RNPEPL1: variants seen among roughly 807,000 people sequenced by gnomAD.
The protein encoded by RNPEPL1 is arginyl aminopeptidase like 1.
A neutral mutation model predicts 69.0 loss-of-function variants in RNPEPL1; 46 were observed. That is an observed-to-expected ratio of 0.67 (90% confidence interval 0.53 to 0.85). The LOEUF is 0.85. Ranked by LOEUF, RNPEPL1 falls within the 40% of genes least tolerant of loss-of-function variation. The pLI is 0.00. For synonymous variants in RNPEPL1, 525 were observed against 454.1 expected (o/e 1.16, Z -1.98); for missense variants, 869 against 992.5 (o/e 0.88, Z 1.67).
At position 240,573,775 on chromosome 2, in the gene RNPEPL1, G is replaced by C. The variant is rs1223218206; in HGVS notation, c.822G>C (p.Arg274Ser). ...GDLKPADIGP[R>S]SRVWAEPCLL... ...AGCTCACCCTCTCTGCATGCACCAG[G>C]AGCCGCGTGTGGGCCGAGCCATGCC... The change falls in exon 4 of 11, where the codon AGG (arginine) becomes AGC (serine). Residue 274 changes from arginine to serine, a missense_variant and splice_region_variant. Arg to Ser is a moderately radical substitution (Grantham distance 110). Around this residue, in one of 2 missense-constraint regions of RNPEPL1, gnomAD observed 610 missense variants for 790.9 expected, o/e 0.77. Transcript: ENST00000270357. The C allele has an allele frequency of 6.5e-7, 1 of 1,534,718 alleles. No individual in the cohort carries two copies. The highest frequency in any genetic ancestry group is 2.5e-5 in the East Asian group (1 of 40,714).
chr2:240,578,382 A>C lies in RNPEPL1; in HGVS notation c.*490A>C, dbSNP rs990686737. ...TTGGCAGCCTCAGTTGGCCCCTGGC[A>C]GAGGAACAAGGACACAGACATTCCC... On this transcript the variant is annotated 3_prime_UTR_variant, in exon 11 of 11. Transcript: ENST00000270357. 1 of 153,492 alleles carries C rather than the reference A, an allele frequency of 6.5e-6. No homozygotes were observed. The highest frequency in any genetic ancestry group is 2.4e-5 in the African/African-American group (1 of 41,498). The allele number at this position is 153,492 out of a possible 1,614,324, so 9.5% of individuals were successfully genotyped here.
chr2:240,570,247 G>C (rs1289482479), intron 1 of RNPEPL1, among the ~76,000 whole-genome samples: 1 of 152,256 alleles, frequency 6.6e-6, no homozygotes, highest in Non-Finnish European at 1.5e-5. Context: ...CCCTCAGCAG[G>C]CTGCTGTGAA....
Position 240,575,621 on chromosome 2 carries a change from C to A in RNPEPL1, c.1510+11C>A. On this transcript the variant is annotated intron_variant, in intron 8 of 10. Coordinates refer to ENST00000270357, the MANE Select transcript of RNPEPL1 (RefSeq NM_018226.6). Reference sequence around the variant, plus strand: ...TGGACTGCCGGGCAGGTGAGGCTGACCCCCAACCCTGCAGCCAGGGAGCCG... The same window carrying A: ...TGGACTGCCGGGCAGGTGAGGCTGAACCCCAACCCTGCAGCCAGGGAGCCG... The A allele has an allele frequency of 6.2e-7, 1 of 1,608,802 alleles. No homozygotes were observed. Among genetic ancestry groups the A allele is most frequent in the Non-Finnish European group, 8.5e-7 (1 of 1,176,108 alleles).
At chr2:240,576,808 G>A (rs770694176) in intron 9 of RNPEPL1, 40 bp from the exon 10 acceptor site, 1 of 1,612,476 alleles carries the variant, frequency 6.2e-7, no homozygotes, top group Non-Finnish European at 8.5e-7. Flanking sequence ...GGGCTGGGGT[G>A]CAACAGCGGC....
chr2:240,573,623 T>A, intron 3 of RNPEPL1, 152 bp from the exon 4 acceptor site: 1 of 671,128 alleles, frequency 1.5e-6, no homozygotes, highest in Non-Finnish European at 2.5e-6. Context: ...TGGCTGCCCA[T>A]CCAGTGAGGC....
intron 1 of RNPEPL1, among the ~76,000 whole-genome samples, chr2:240,570,636 G>A (rs1471654131): frequency 6.6e-6 from 1 of 152,216 alleles, no homozygotes; most frequent in East Asian, 1.9e-4. Context: ...GGCCCCCAGA[G>A]GCTTTTTGGA....
At chr2:240,571,379 A>G (rs571692677) in intron 1 of RNPEPL1, among the ~76,000 whole-genome samples, 2 of 152,144 alleles carry the variant, frequency 1.3e-5, no homozygotes, top group South Asian at 2.1e-4. Flanking sequence ...ACTCATGGTC[A>G]TGGGAGGGCC....
rs2093042100 is a variant in RNPEPL1, at chr2:240,577,803, GAC to G, written c.2093_2094del (p.Thr698ArgfsTer34). On this transcript the variant is annotated frameshift_variant, in exon 11 of 11. Transcript: ENST00000270357. LOFTEE classifies it high-confidence loss of function. ...CACGGAGCTGGGCAAGGCTGAAGCA[GAC>G]ACAGACTCGGACGCACAGGCCCTGC... ...PSTELGKAEA[D>X]TDSDAQALLL... is the part of the protein sequence containing the mutation. The G allele has an allele frequency of 6.2e-7, 1 of 1,610,144 alleles. No homozygotes were observed.
At position 240,576,707 on chromosome 2, in the gene RNPEPL1, G is replaced by A. The variant is rs766922816; in HGVS notation, c.1683G>A (p.Arg561=). Residue 561 remains arginine (R), a synonymous_variant, in exon 9 of 11, where the codon AGG becomes AGA. Coordinates refer to ENST00000270357, the MANE Select transcript of RNPEPL1 (RefSeq NM_018226.6). ...SASAIDISKW[R]TFQTALFLDR... is the part of the protein sequence containing the mutation. ...GCGCCATTGACATCTCCAAGTGGAGGACCTTCCAGACAGCACTCTTCCTGG... is the reference window on the plus strand; with the variant it reads ...GCGCCATTGACATCTCCAAGTGGAGAACCTTCCAGACAGCACTCTTCCTGG... 9.9e-6 allele frequency: 16 copies of A among 1,612,904 alleles called. No individual in the cohort carries two copies. Among genetic ancestry groups the A allele is most frequent in the African/African-American group, 4.0e-5 (3 of 74,932 alleles).
chr2:240,574,482 C>A, intron 5 of RNPEPL1, 33 bp from the exon 6 acceptor site: 2 of 1,586,532 alleles, frequency 1.3e-6, no homozygotes, highest in East Asian at 2.3e-5. Context: ...CCTACACCCC[C>A]TCACCTCTCC....
Position 240,574,582 on chromosome 2 carries a change from G to C in RNPEPL1, c.1242G>C (p.Leu414=). The C allele has an allele frequency of 6.2e-7, 1 of 1,613,002 alleles. No homozygotes were observed. Among genetic ancestry groups the C allele is most frequent in the Non-Finnish European group, 8.5e-7 (1 of 1,179,964 alleles). Residue 414 remains leucine (L), a synonymous_variant, in exon 6 of 11, where the codon CTG becomes CTC. Coordinates refer to ENST00000270357, the MANE Select transcript of RNPEPL1 (RefSeq NM_018226.6). ...LDALHRQMKL[L]GEDSPVSKLQ... ...CCCTGCACCGGCAGATGAAGCTTCT[G>C]GGAGAGGACAGCCCGGTCAGCAAAC... is the stretch of plus-strand genomic sequence containing the variant.
rs558011755 is a variant in RNPEPL1, at chr2:240,574,051, G to A, written c.939-62G>A. The A allele has an allele frequency of 3.0e-4, 445 of 1,484,532 alleles. 1 individual carries two copies. The highest frequency in any genetic ancestry group is 2.5e-3 in the African/African-American group (184 of 72,386). 92.0% of individuals were successfully genotyped at this position (1,484,532 alleles called of 1,614,324 possible). A position where few individuals can be genotyped will look rare whatever the true frequency, so the allele number is the denominator to read the frequency against. On this transcript the variant is annotated intron_variant, in intron 4 of 10. Transcript: ENST00000270357. ...CCCTGCTGGGTGGAAGGTGGGGTGC[G>A]GGTGTGCAGGGTGGGAGTCTGAGCC...
Position 240,573,893 on chromosome 2 carries a change from T to C in RNPEPL1, c.938+2T>C. 6.3e-7 allele frequency: 1 copy of C among 1,577,828 alleles called. No individual in the cohort carries two copies. The highest frequency in any genetic ancestry group is 8.6e-7 in the Non-Finnish European group (1 of 1,161,432). ...GTATGGGCCCTACATGTGGGGCAGG[T>C]AGGCCCCGGGGACCTGTGGACCTGG... On this transcript the variant is annotated splice_donor_variant, in intron 4 of 10. Transcript: ENST00000270357. LOFTEE classifies it high-confidence loss of function.
chr2:240,575,219 C>G, intron 7 of RNPEPL1, 77 bp downstream of exon 7: 1 of 1,181,404 alleles, frequency 8.5e-7, no homozygotes. Flanking sequence ...GCTGCCTGCT[C>G]TTGCGGCAGT....
chr2:240,577,319 G>A (rs1357444478), intron 10 of RNPEPL1, among the ~76,000 whole-genome samples: 1 of 152,176 alleles, frequency 6.6e-6, no homozygotes, highest in African/African-American at 2.4e-5. Flanking sequence ...TCAGAGGGAG[G>A]CCAGAGCCCT....
At chr2:240,576,486 G>A (rs1345308030) in intron 8 of RNPEPL1, 49 bp from the exon 9 acceptor site, 7 of 1,528,822 alleles carry the variant, frequency 4.6e-6, no homozygotes, top group Admixed American at 1.9e-5. Context: ...TGCTCAGGCA[G>A]CCCCTTCCTA....
At chr2:240,571,665 T>G (rs531689885) in intron 1 of RNPEPL1, among the ~76,000 whole-genome samples, 6 of 151,252 alleles carry the variant, frequency 4.0e-5, no homozygotes, top group Non-Finnish European at 8.8e-5. Context: ...GAGGAAAGCC[T>G]CAACAGCTTT....
chr2:240,574,767 C>T, intron 6 of RNPEPL1, 139 bp downstream of exon 6: 7 of 816,564 alleles, frequency 8.6e-6, no homozygotes, highest in Non-Finnish European at 1.4e-5. Flanking sequence ...AGCTGGGAGC[C>T]CCTGGCCAGG....
chr2:240,575,413 G>A (rs772558077), intron 7 of RNPEPL1, 89 bp from the exon 8 acceptor site: 97 of 1,143,486 alleles, frequency 8.5e-5, no homozygotes, highest in South Asian at 3.7e-4. Context: ...GTACCTTGGC[G>A]CACGCCCTGC....
Sources: gnomAD v4.1 joint callset for allele counts (sites outside exome capture counted in the v4.1 genomes callset) on GRCh38, gnomAD v4.1.1 for gene constraint, gnomAD v4.1.1 regional missense constraint, MANE v1.5 for transcripts, NCBI Gene and HGNC (gene_info 2026-07-23, HGNC 2026-07-21) for gene names.